The following DTNBP1 variants were observed in gnomAD, a reference collection of about 807,000 sequenced individuals.
DTNBP1 encodes the protein dysbindin.
DTNBP1 carries 35 observed loss-of-function variants against 42.8 expected under a neutral mutation model. The ratio of observed to expected loss-of-function variants is 0.82; its 90% CI spans 0.63 to 1.09. DTNBP1 has a LOEUF of 1.09. Ranked by LOEUF, DTNBP1 falls within the 50% of genes least tolerant of loss-of-function variation. The pLI is 0.00. For missense variants in DTNBP1, 457 were observed against 424.2 expected (o/e 1.08, Z -0.68); for synonymous variants, 171 against 162.2 (o/e 1.05, Z -0.41).
At chr6:15,560,594 A>G (rs1036068215) in intron 7 of DTNBP1, among the ~76,000 whole-genome samples, 7 of 152,228 alleles carry the variant, frequency 4.6e-5, no homozygotes, top group Non-Finnish European at 8.8e-5. Context: ...CATGCTTTCA[A>G]ATATAAACAG....
At chr6:15,530,105 T>C (rs988574580) in intron 8 of DTNBP1, among the ~76,000 whole-genome samples, 4 of 152,292 alleles carry the variant, frequency 2.6e-5, no homozygotes, top group Non-Finnish European at 5.9e-5. Flanking sequence ...AAATTCCAAC[T>C]GCTATTTCTG....
intron 8 of DTNBP1, among the ~76,000 whole-genome samples, chr6:15,528,282 C>T (rs1047422456): frequency 1.3e-5 from 2 of 152,210 alleles, no homozygotes; most frequent in African/African-American, 4.8e-5. Flanking sequence ...ACTCCTGACA[C>T]TTTGTGCCAG....
At chr6:15,534,384 G>A (rs1773081958) in intron 7 of DTNBP1, among the ~76,000 whole-genome samples, 1 of 152,182 alleles carries the variant, frequency 6.6e-6, no homozygotes, top group Non-Finnish European at 1.5e-5. Flanking sequence ...GGGCGCGGTG[G>A]CTCACGCCTA....
chr6:15,653,421 T>C (rs940628421), intron 1 of DTNBP1, among the ~76,000 whole-genome samples: 1 of 152,216 alleles, frequency 6.6e-6, no homozygotes, highest in African/African-American at 2.4e-5. Flanking sequence ...CACCTGGATG[T>C]CAGCTCTCAC....
intron 6 of DTNBP1, among the ~76,000 whole-genome samples, chr6:15,600,258 T>G (rs1438938196): frequency 6.6e-6 from 1 of 152,106 alleles, no homozygotes; most frequent in Non-Finnish European, 1.5e-5. Flanking sequence ...TGAGGAGACT[T>G]TGAAGTCAGG....
chr6:15,584,370 A>G (rs973281693), intron 7 of DTNBP1, among the ~76,000 whole-genome samples: 2 of 152,130 alleles, frequency 1.3e-5, no homozygotes, highest in Non-Finnish European at 2.9e-5. Context: ...GTCATTTATC[A>G]TACATTCCCT....
chr6:15,585,804 C>T, intron 7 of DTNBP1: 2 of 1,514,134 alleles, frequency 1.3e-6, no homozygotes, highest in Non-Finnish European at 1.8e-6. Flanking sequence ...CAGTGCTGGT[C>T]AAGTGAAGCC....
chr6:15,538,725 G>C lies in DTNBP1; in HGVS notation c.512-5330C>G, dbSNP rs948834834. 3.3e-5 allele frequency among the ~76,000 whole-genome samples: 5 copies of C among 152,126 alleles called. No individual in the cohort carries two copies. The East Asian group carries it at 9.6e-4, about 29-fold the overall frequency. On this transcript the variant is annotated intron_variant, in intron 7 of 9. Transcript: ENST00000344537. ...CTTACGTAAATATTTCCTAACTCCT[G>C]CCCTGTGTCTGTGGCAGACACCCTG...
intron 1 of DTNBP1, among the ~76,000 whole-genome samples, chr6:15,654,084 A>G (rs1761158502): frequency 6.6e-6 from 1 of 152,234 alleles, no homozygotes; most frequent in Non-Finnish European, 1.5e-5. Flanking sequence ...ATATTACTCT[A>G]TGATCTTTTT....
intron 7 of DTNBP1, among the ~76,000 whole-genome samples, chr6:15,572,044 C>T (rs772840827): frequency 6.6e-6 from 1 of 151,944 alleles, no homozygotes; most frequent in Non-Finnish European, 1.5e-5. Context: ...AAAGTGACAC[C>T]CTGTGGCTAA....
At position 15,619,146 on chromosome 6, in the gene DTNBP1, G is replaced by T. The variant is rs73371592; in HGVS notation, c.356-3747C>A. Among the ~76,000 whole-genome samples the T allele has an allele frequency of 4.5e-3, 687 of 152,256 alleles. 7 individuals are homozygous for T. The highest frequency in any genetic ancestry group is 0.016 in the African/African-American group (651 of 41,558). On this transcript the variant is annotated intron_variant, in intron 5 of 9. Transcript: ENST00000344537. ...AGCTAGATAGGAAGAATAAGTTCTA[G>T]TATTCTATAGCACTGTAGGGAGAGT...
At chr6:15,567,115 T>A (rs964861794) in intron 7 of DTNBP1, among the ~76,000 whole-genome samples, 3 of 152,166 alleles carry the variant, frequency 2.0e-5, no homozygotes, top group African/African-American at 7.2e-5. Context: ...TCTATTGTCA[T>A]CTTTAGCGTA....
rs913832631 is a variant in DTNBP1, at chr6:15,648,053, T to G, written c.161+3260A>C. Among the ~76,000 whole-genome samples, 3 of 152,160 alleles carry G rather than the reference T, an allele frequency of 2.0e-5. No homozygotes were observed. In the South Asian group the frequency reaches 6.2e-4, roughly 32 times the overall value. On this transcript the variant is annotated intron_variant, in intron 3 of 9. Coordinates refer to ENST00000344537, the MANE Select transcript of DTNBP1 (RefSeq NM_032122.5). ...ATTCTGCACTGTGTTAAAAGCATTA[T>G]ACACAATTTCCAAGAGGGATTTATT...
chr6:15,662,996 C>A lies in DTNBP1; in HGVS notation c.-127G>T. On this transcript the variant is annotated 5_prime_UTR_variant, in exon 1 of 10. Coordinates refer to ENST00000344537, the MANE Select transcript of DTNBP1 (RefSeq NM_032122.5). ...CGCACTCCCACTACCGGCCCCGCCC[C>A]CGGTCTGGTCCTCGCCGCCGCGCCG... The A allele has an allele frequency of 7.4e-7, 1 of 1,348,340 alleles. No individual in the cohort carries two copies. The allele number at this position is 1,348,340 out of a possible 1,614,324, so 83.5% of individuals were successfully genotyped here.
chr6:15,597,674 G>A (rs145022683), intron 6 of DTNBP1, among the ~76,000 whole-genome samples: 2 of 152,160 alleles, frequency 1.3e-5, no homozygotes, highest in East Asian at 3.9e-4. Flanking sequence ...GTTCATACAG[G>A]TATCGTCTCT....
At chr6:15,588,623 G>A (rs1203387574) in intron 7 of DTNBP1, among the ~76,000 whole-genome samples, 2 of 152,206 alleles carry the variant, frequency 1.3e-5, no homozygotes, top group Non-Finnish European at 2.9e-5. Context: ...CCTGTGTATG[G>A]CATTCAAGGC....
At chr6:15,628,851 G>A (rs1025245329) in intron 4 of DTNBP1, among the ~76,000 whole-genome samples, 3 of 152,104 alleles carry the variant, frequency 2.0e-5, no homozygotes, top group Non-Finnish European at 2.9e-5. Flanking sequence ...GTTTTTGTTC[G>A]TACATTTCAC....
chr6:15,538,727 C>T (rs1270863178), intron 7 of DTNBP1, among the ~76,000 whole-genome samples: 1 of 152,180 alleles, frequency 6.6e-6, no homozygotes, highest in Admixed American at 6.5e-5. Context: ...TAACTCCTGC[C>T]CTGTGTCTGT....
At chr6:15,604,133 C>T (rs563988540) in intron 6 of DTNBP1, among the ~76,000 whole-genome samples, 1 of 152,296 alleles carries the variant, frequency 6.6e-6, no homozygotes, top group Non-Finnish European at 1.5e-5. Context: ...TCCTATCTAT[C>T]GGGTACCATC....
Sources: allele counts gnomAD v4.1 joint callset (sites outside exome capture counted in the v4.1 genomes callset), GRCh38; gene constraint gnomAD v4.1.1; transcripts MANE v1.5; gene names NCBI Gene and HGNC (gene_info 2026-07-23, HGNC 2026-07-21).